The following CFAP61 variants were observed in gnomAD, a reference collection of about 807,000 sequenced individuals.
The protein encoded by CFAP61 is cilia and flagella associated protein 61, also known as cilia- and flagella-associated protein 61.
In CFAP61, 107 loss-of-function variants were observed where a neutral mutation model predicts 135.6. The observed-to-expected ratio is 0.79, with a 90% CI of 0.67 to 0.93. CFAP61 has a LOEUF of 0.93. Ranked by LOEUF, CFAP61 falls within the 40% of genes least tolerant of loss-of-function variation. The pLI is 0.00. For missense variants in CFAP61, 1,507 were observed against 1,556.2 expected, an observed-to-expected ratio of 0.97 and a Z score of 0.53; for synonymous variants, 575 against 578.5, an observed-to-expected ratio of 0.99 and a Z score of 0.09.
intron 20 of CFAP61, among the ~76,000 whole-genome samples, chr20:20,261,474 C>G (rs2052205252): frequency 6.6e-6 from 1 of 152,176 alleles, no homozygotes; most frequent in Non-Finnish European, 1.5e-5. Flanking sequence ...CAGTGGGTAT[C>G]TGCCAAAGGC....
At chr20:20,131,173 G>C (rs1033379157) in intron 8 of CFAP61, among the ~76,000 whole-genome samples, 2 of 151,610 alleles carry the variant, frequency 1.3e-5, no homozygotes, top group Admixed American at 1.3e-4. Context: ...TCTCATATTT[G>C]AGTTCTGGGA....
intron 25 of CFAP61, among the ~76,000 whole-genome samples, chr20:20,320,336 T>A (rs1410735830): frequency 3.0e-5 from 3 of 99,278 alleles, no homozygotes; most frequent in Admixed American, 2.8e-4. Flanking sequence ...ATATATATAT[T>A]ATATATATGT....
chr20:20,089,587 G>GAA (rs11468839), intron 6 of CFAP61, among the ~76,000 whole-genome samples: 22 of 136,138 alleles, frequency 1.6e-4, no homozygotes, highest in Admixed American at 2.9e-4. Flanking sequence ...GAGTATCAGA[G>GAA]AAAAAAAAAA....
chr20:20,205,624 C>T (rs1601394350), intron 17 of CFAP61, among the ~76,000 whole-genome samples: 1 of 152,176 alleles, frequency 6.6e-6, no homozygotes, highest in Admixed American at 6.5e-5. Flanking sequence ...TTGAATTTTC[C>T]TCTTGGCTGA....
intron 8 of CFAP61, among the ~76,000 whole-genome samples, chr20:20,101,854 C>T (rs151327499): frequency 0.022 from 3,423 of 152,204 alleles, 51 homozygotes; most frequent in Middle Eastern, 0.061. Flanking sequence ...TCTTGAACTC[C>T]GGGCCTCAGG....
intron 8 of CFAP61, among the ~76,000 whole-genome samples, chr20:20,134,834 G>C (rs141345435): frequency 6.6e-6 from 1 of 152,304 alleles, no homozygotes; most frequent in East Asian, 1.9e-4. Context: ...TGGACAGGTA[G>C]AGAGTTTGAC....
chr20:20,244,575 C>A (rs991410896), intron 18 of CFAP61, among the ~76,000 whole-genome samples: 5 of 152,196 alleles, frequency 3.3e-5, no homozygotes, highest in Admixed American at 1.3e-4. Context: ...ACCCTGGGCT[C>A]AACCCACAAA....
At position 20,314,511 on chromosome 20, in the gene CFAP61, GT is replaced by G. The variant is rs202217191; in HGVS notation, c.3422+16134del. Reference sequence around the variant, plus strand: ...CTTTCTTATACAAGCCTTGGTTTTTGTTTTTTTTTATTATTATTATTTATTT... The same window carrying G: ...CTTTCTTATACAAGCCTTGGTTTTTGTTTTTTTTATTATTATTATTTATTT... On this transcript the variant is annotated intron_variant, in intron 25 of 26. Coordinates refer to ENST00000245957, the MANE Select transcript of CFAP61 (RefSeq NM_015585.4). Among the ~76,000 whole-genome samples, 201 of 146,446 alleles carry G rather than the reference GT, an allele frequency of 1.4e-3. 2 individuals are homozygous for G. Among genetic ancestry groups the G allele is most frequent in the African/African-American group, 4.6e-3 (182 of 39,564 alleles).
intron 12 of CFAP61, among the ~76,000 whole-genome samples, chr20:20,167,655 C>G (rs1423134554): frequency 6.6e-6 from 1 of 152,162 alleles, no homozygotes; most frequent in Non-Finnish European, 1.5e-5. Context: ...AGGAAGCCCA[C>G]CCAGACTTGG....
At chr20:20,251,281 G>A (rs2050870539) in intron 19 of CFAP61, among the ~76,000 whole-genome samples, 1 of 151,856 alleles carries the variant, frequency 6.6e-6, no homozygotes, top group South Asian at 2.1e-4. Flanking sequence ...TGAAGTAGAA[G>A]CAGAAGAAAG....
At chr20:20,137,008 T>C (rs1323189517) in intron 8 of CFAP61, among the ~76,000 whole-genome samples, 1 of 152,190 alleles carries the variant, frequency 6.6e-6, no homozygotes, top group Non-Finnish European at 1.5e-5. Flanking sequence ...TGCAGACTTG[T>C]AGAGGTGCCA....
intron 6 of CFAP61, among the ~76,000 whole-genome samples, chr20:20,081,541 G>A (rs1036917992): frequency 2.0e-5 from 3 of 152,174 alleles, no homozygotes; most frequent in African/African-American, 7.2e-5. Flanking sequence ...CACTCAGGAT[G>A]CAGGGTGCAG....
At chr20:20,172,083 TGTGTCC>T in intron 13 of CFAP61, 1 of 548,818 alleles carries the variant, frequency 1.8e-6, no homozygotes, top group East Asian at 4.9e-5. Context: ...AGGTTGGGCA[TGTGTCC>T]AGTAAAAAAC....
At chr20:20,265,040 C>G (rs1158312356) in intron 21 of CFAP61, among the ~76,000 whole-genome samples, 1 of 152,152 alleles carries the variant, frequency 6.6e-6, no homozygotes, top group Non-Finnish European at 1.5e-5. Flanking sequence ...TTAAACCAGA[C>G]ATGAGCTGTA....
At chr20:20,271,662 A>G (rs1390061614) in intron 21 of CFAP61, among the ~76,000 whole-genome samples, 1 of 152,234 alleles carries the variant, frequency 6.6e-6, no homozygotes, top group Non-Finnish European at 1.5e-5. Context: ...TGCACGATTT[A>G]TTCGCTAAAA....
intron 26 of CFAP61, among the ~76,000 whole-genome samples, chr20:20,352,774 C>T (rs531764966): frequency 6.6e-6 from 1 of 152,286 alleles, no homozygotes; most frequent in East Asian, 1.9e-4. Context: ...TGACGTTGGT[C>T]TCAGAAAGGA....
intron 26 of CFAP61, 124 bp downstream of exon 26, chr20:20,342,045 C>G (rs1290246481): frequency 1.3e-5 from 8 of 605,840 alleles, no homozygotes; most frequent in Non-Finnish European, 2.3e-5. Flanking sequence ...ACAACAGTAT[C>G]TCATATAAAC....
At chr20:20,069,148 A>C (rs1173448168) in intron 2 of CFAP61, among the ~76,000 whole-genome samples, 1 of 152,232 alleles carries the variant, frequency 6.6e-6, no homozygotes, top group African/African-American at 2.4e-5. Context: ...AAAGAAAAAA[A>C]GTACAGGAAG....
chr20:20,328,031 G>T (rs6136998), intron 25 of CFAP61, among the ~76,000 whole-genome samples: 44,043 of 152,036 alleles, frequency 0.29, 6,721 homozygotes, highest in South Asian at 0.41. Flanking sequence ...ATGCGGAAGC[G>T]CCAGCTGTGG....
Sources: gnomAD v4.1 joint callset for allele counts (sites outside exome capture counted in the v4.1 genomes callset) on GRCh38, gnomAD v4.1.1 for gene constraint, MANE v1.5 for transcripts, NCBI Gene and HGNC (gene_info 2026-07-23, HGNC 2026-07-21) for gene names.